Variants in ARHGEF11 observed in about 807,000 individuals in gnomAD.
The protein encoded by ARHGEF11 is Rho guanine exchange factor (GEF) 11.
In ARHGEF11, 55 loss-of-function variants were observed where a neutral mutation model predicts 193.7. The observed-to-expected ratio is 0.28, with a 90% CI of 0.23 to 0.36. ARHGEF11 has a LOEUF of 0.36. Ranked by LOEUF, ARHGEF11 falls within the 10% of genes least tolerant of loss-of-function variation. ARHGEF11 has a pLI of 1.00. For missense variants in ARHGEF11, 1,723 were observed against 2,005.6 expected (o/e 0.86, Z 2.69); for synonymous variants, 693 against 768.0 (o/e 0.90, Z 1.62).
At chr1:157,030,351 C>T (rs1007185537) in intron 1 of ARHGEF11, among the ~76,000 whole-genome samples, 12 of 152,070 alleles carry the variant, frequency 7.9e-5, no homozygotes, top group African/African-American at 2.9e-4. Flanking sequence ...CTCACTGAAA[C>T]ATTACCAGCC....
At chr1:156,963,159 C>T (rs200577914) in intron 13 of ARHGEF11, 44 bp downstream of exon 13, 2 of 1,470,276 alleles carry the variant, frequency 1.4e-6, no homozygotes, top group East Asian at 2.3e-5. Flanking sequence ...CCTCTCTGCC[C>T]AGTACCAGCA....
Position 156,947,466 on chromosome 1 carries a change from G to A in ARHGEF11, c.2342-16C>T, listed in dbSNP as rs755085345. The A allele has an allele frequency of 1.9e-6, 3 of 1,578,730 alleles. No individual in the cohort carries two copies. In the South Asian group the frequency reaches 3.5e-5, roughly 19 times the overall value. On this transcript the variant is annotated splice_polypyrimidine_tract_variant and intron_variant, in intron 25 of 40. Coordinates refer to ENST00000368194, the MANE Select transcript of ARHGEF11 (RefSeq NM_198236.3). ...ACAAACAGCTCTGAGCGGTGGTTGTGACAAGGAGGGTAGAAAGCCAGGGAG... is the reference window on the plus strand; with the variant it reads ...ACAAACAGCTCTGAGCGGTGGTTGTAACAAGGAGGGTAGAAAGCCAGGGAG...
chr1:156,973,181 G>A (rs150142148), intron 7 of ARHGEF11, among the ~76,000 whole-genome samples: 3 of 152,084 alleles, frequency 2.0e-5, no homozygotes, highest in Admixed American at 1.3e-4. Flanking sequence ...CTCTACTTTG[G>A]CCTCCCCAAG....
In ARHGEF11 at chr1:156,935,235, C is replaced by T. The variant is rs2101682722; in HGVS notation, c.*765G>A. 6.6e-6 allele frequency: 1 copy of T among 152,422 alleles called. No individual in the cohort carries two copies. The highest frequency in any genetic ancestry group is 1.9e-4 in the East Asian group (1 of 5,166). The allele number at this position is 152,422 out of a possible 1,614,324, so 9.4% of individuals were successfully genotyped here. On this transcript the variant is annotated 3_prime_UTR_variant, in exon 41 of 41. Coordinates refer to ENST00000368194, the MANE Select transcript of ARHGEF11 (RefSeq NM_198236.3). Reference sequence around the variant, plus strand: ...GGTAAGAAACCCCCATGATCCCCATCTTGTGAAGATGAGAAGTCCAGGGAG... The same window carrying T: ...GGTAAGAAACCCCCATGATCCCCATTTTGTGAAGATGAGAAGTCCAGGGAG...
rs778042772 is a variant in ARHGEF11, at chr1:156,939,747, C to G, written c.3897G>C (p.Gly1299=). The G allele has an allele frequency of 6.2e-7, 1 of 1,614,084 alleles. No homozygotes were observed. Among genetic ancestry groups the G allele is most frequent in the Non-Finnish European group, 8.5e-7 (1 of 1,179,994 alleles). ...CAAGCTGGGTGTTGTCCCCTTCACC[C>G]CCAGGGGGTGCTTGCCCTGGGGAGC... ...DPGSPGQAPP[G]GEGDNTQLAG... is the part of the protein sequence containing the mutation. The change falls in exon 37 of 41, where the codon GGG becomes GGC. Residue 1299 remains glycine, a synonymous_variant. Coordinates refer to ENST00000368194, the MANE Select transcript of ARHGEF11 (RefSeq NM_198236.3).
At chr1:157,010,860 T>C (rs1030955967) in intron 1 of ARHGEF11, among the ~76,000 whole-genome samples, 3 of 152,052 alleles carry the variant, frequency 2.0e-5, no homozygotes, top group Non-Finnish European at 4.4e-5. Context: ...CTATAAAATA[T>C]CACGGAAAAC....
In ARHGEF11 at chr1:156,947,914, G is replaced by A; in HGVS notation, c.2196C>T (p.Leu732=). ...GATCATCCTCTAGGAGGTGGGGAAGGAGGGTATCTGTGCAGAACCCCAAAC... is the reference window on the plus strand; with the variant it reads ...GATCATCCTCTAGGAGGTGGGGAAGAAGGGTATCTGTGCAGAACCCCAAAC... ...SPSLGFCTDT[L]LPHLLEDDLG... is the part of the protein sequence containing the mutation. The change falls in exon 25 of 41, where the codon CTC becomes CTT. Residue 732 remains leucine (L), a synonymous_variant. Transcript: ENST00000368194. 1.2e-6 allele frequency: 2 copies of A among 1,614,068 alleles called. No homozygotes were observed. The highest frequency in any genetic ancestry group is 1.7e-6 in the Non-Finnish European group (2 of 1,179,994).
intron 1 of ARHGEF11, among the ~76,000 whole-genome samples, chr1:157,020,041 G>A (rs937074293): frequency 4.0e-5 from 6 of 151,520 alleles, no homozygotes; most frequent in African/African-American, 1.2e-4. Flanking sequence ...GCAGAATAGC[G>A]TGAACCTGGG....
chr1:157,030,717 T>C (rs1250674487), intron 1 of ARHGEF11, among the ~76,000 whole-genome samples: 1 of 152,146 alleles, frequency 6.6e-6, no homozygotes, highest in Non-Finnish European at 1.5e-5. Flanking sequence ...CATTACTTCT[T>C]AGTTTCTGGA....
chr1:156,944,413 T>C lies in ARHGEF11; in HGVS notation c.3012A>G (p.Arg1004=), dbSNP rs1272399481. Residue 1004 remains arginine (R), a synonymous_variant, in exon 31 of 41, where the codon AGA becomes AGG. Coordinates refer to ENST00000368194, the MANE Select transcript of ARHGEF11 (RefSeq NM_198236.3). The part of the protein sequence containing the change: ...AEFKSLDLTT[R]KMIHEGPLTW... Reference sequence around the variant, plus strand: ...TCAGGGGTCCCTCATGGATCATTTTTCTGGTTGTAAGATCCAGGCTCTGTT... The same window carrying C: ...TCAGGGGTCCCTCATGGATCATTTTCCTGGTTGTAAGATCCAGGCTCTGTT... 3.1e-6 allele frequency: 5 copies of C among 1,613,890 alleles called. No homozygotes were observed. The highest frequency in any genetic ancestry group is 1.1e-5 in the South Asian group (1 of 91,062).
intron 1 of ARHGEF11, among the ~76,000 whole-genome samples, chr1:157,029,965 G>C (rs1285571812): frequency 6.6e-6 from 1 of 151,978 alleles, no homozygotes; most frequent in South Asian, 2.1e-4. Context: ...GAAAAAAGTA[G>C]ATTAGTGGTT....
chr1:157,045,763 C>A (rs561333637), upstream of ARHGEF11, among the ~76,000 whole-genome samples: 1 of 150,574 alleles, frequency 6.6e-6, no homozygotes, highest in African/African-American at 2.4e-5. Context: ...CGGCCGCGCT[C>A]GCCTCCTTCC....
At chr1:156,957,979 C>T (rs1261655852) in intron 17 of ARHGEF11, among the ~76,000 whole-genome samples, 164 bp from the exon 18 acceptor site, 1 of 152,192 alleles carries the variant, frequency 6.6e-6, no homozygotes, top group Non-Finnish European at 1.5e-5. Context: ...ATAGCAGGAA[C>T]TCCATAAATA....
Position 157,044,632 on chromosome 1 carries a change from G to A in ARHGEF11, c.-302C>T. The A allele has an allele frequency of 2.1e-6, 1 of 477,278 alleles. No homozygotes were observed. The highest frequency in any genetic ancestry group is 3.1e-5 in the East Asian group (1 of 32,742). 29.6% of individuals were successfully genotyped at this position (477,278 alleles called of 1,614,324 possible). On this transcript the variant is annotated 5_prime_UTR_variant, in exon 1 of 41. Transcript: ENST00000368194. ...GACCTTCTCAGAAACCAAAAACCCA[G>A]CCACGAATCTCTTCAAGGTTAGCAC...
intron 13 of ARHGEF11, among the ~76,000 whole-genome samples, chr1:156,962,217 T>C (rs931755854): frequency 3.9e-5 from 6 of 152,196 alleles, no homozygotes; most frequent in Admixed American, 3.3e-4. Flanking sequence ...GGAATGCTTC[T>C]GGCACTTGGA....
intron 1 of ARHGEF11, among the ~76,000 whole-genome samples, chr1:156,991,714 T>TA (rs1206899433): frequency 1.0e-4 from 8 of 77,180 alleles, no homozygotes; most frequent in African/African-American, 5.4e-4. Flanking sequence ...AAGCTTATTT[T>TA]TTTTTTTTTT....
At chr1:156,947,739 G>A (rs571499548) in intron 25 of ARHGEF11, 30 bp downstream of exon 25, 37 of 1,607,948 alleles carry the variant, frequency 2.3e-5, no homozygotes, top group Non-Finnish European at 2.9e-5. Flanking sequence ...ACGTGTGAGC[G>A]GAGCTGGGGG....
intron 1 of ARHGEF11, among the ~76,000 whole-genome samples, chr1:157,013,263 T>TCACA (rs71084208): frequency 0.089 from 12,567 of 140,584 alleles, 677 homozygotes; most frequent in East Asian, 0.16. Context: ...CCACTATCAC[T>TCACA]CACACACACA....
intron 22 of ARHGEF11, among the ~76,000 whole-genome samples, chr1:156,949,603 C>A (rs568660251): frequency 6.6e-6 from 1 of 152,278 alleles, no homozygotes; most frequent in Admixed American, 6.5e-5. Context: ...ATACTGCCCA[C>A]TGATCCCTTA....
Sources: gnomAD v4.1 joint callset for allele counts (sites outside exome capture counted in the v4.1 genomes callset) on GRCh38, gnomAD v4.1.1 for gene constraint, MANE v1.5 for transcripts, NCBI Gene and HGNC (gene_info 2026-07-23, HGNC 2026-07-21) for gene names.